LCLAT1: variants seen among roughly 807,000 people sequenced by gnomAD.
LCLAT1 encodes the protein 1-AGP acyltransferase 8.
Under a neutral mutation model 30.7 loss-of-function variants are expected in LCLAT1, and 11 were observed. The ratio of observed to expected loss-of-function variants is 0.36; its 90% CI spans 0.23 to 0.59. The LOEUF (loss-of-function observed/expected upper bound fraction) is 0.59, where lower values mean the gene tolerates loss of function less well. Among genes scored for constraint, LCLAT1 ranks in the 20% least tolerant of loss-of-function variants. LCLAT1 has a pLI of 0.77. For missense variants in LCLAT1, 402 were observed against 458.6 expected (o/e 0.88, Z 1.13); for synonymous variants, 155 against 151.3 (o/e 1.02, Z -0.18).
chr2:30,525,714 A>C lies in LCLAT1; in HGVS notation c.124A>C (p.Ile42Leu). 1.9e-6 allele frequency: 3 copies of C among 1,614,090 alleles called. No individual in the cohort carries two copies. The highest frequency in any genetic ancestry group is 2.5e-6 in the Non-Finnish European group (3 of 1,180,024). The part of the protein sequence containing the change: ...MFVNPSWYRW[I>L]NNRLVATWLT... ...TGTAAACCCATCTTGGTATCGCTGG[A>C]TCAACAACCGCCTTGTGGCAACATG... Residue 42 changes from isoleucine to leucine, a missense_variant, in exon 2 of 6, where the codon ATC becomes CTC. Physicochemically the swap from Ile to Leu is conservative, Grantham distance 5 (BLOSUM62 2). Coordinates refer to ENST00000379509, the MANE Select transcript of LCLAT1 (RefSeq NM_001002257.3).
At chr2:30,525,372 G>A (rs532194264) in intron 1 of LCLAT1, among the ~76,000 whole-genome samples, 8 of 152,176 alleles carry the variant, frequency 5.3e-5, no homozygotes, top group East Asian at 1.9e-4. Context: ...CGCCGCACCC[G>A]ACCAGAGAAT....
intron 5 of LCLAT1, among the ~76,000 whole-genome samples, chr2:30,614,535 A>C (rs1319640438): frequency 6.6e-6 from 1 of 152,140 alleles, no homozygotes; most frequent in East Asian, 1.9e-4. Context: ...CAACTGAAGG[A>C]AAGGCAGTTT....
intron 3 of LCLAT1, among the ~76,000 whole-genome samples, chr2:30,557,667 G>A (rs1259058804): frequency 2.0e-5 from 3 of 151,882 alleles, no homozygotes; most frequent in Non-Finnish European, 2.9e-5. Flanking sequence ...CACCTGCCTC[G>A]GCCTCCCAAA....
chr2:30,567,092 TC>T (rs1444657461), intron 4 of LCLAT1, among the ~76,000 whole-genome samples: 1 of 152,238 alleles, frequency 6.6e-6, no homozygotes, highest in African/African-American at 2.4e-5. Context: ...CTTCTGGATG[TC>T]TAGGTCATTG....
intron 5 of LCLAT1, among the ~76,000 whole-genome samples, chr2:30,596,158 G>A (rs1308056338): frequency 6.6e-6 from 1 of 152,178 alleles, no homozygotes; most frequent in Non-Finnish European, 1.5e-5. Flanking sequence ...TATATACCGA[G>A]TAGTGGGATT....
At chr2:30,476,517 G>A (rs1349844371) in intron 1 of LCLAT1, 1 of 456,388 alleles carries the variant, frequency 2.2e-6, no homozygotes, top group Non-Finnish European at 4.4e-6. Flanking sequence ...GATCTAGGTT[G>A]CATGTTCCTT....
intron 3 of LCLAT1, among the ~76,000 whole-genome samples, chr2:30,535,404 T>C (rs1030975598): frequency 6.6e-6 from 1 of 152,128 alleles, no homozygotes; most frequent in African/African-American, 2.4e-5. Flanking sequence ...CTTCTAATGG[T>C]AGAGCATTGT....
chr2:30,515,749 A>G (rs1572555293), intron 1 of LCLAT1, among the ~76,000 whole-genome samples: 1 of 152,248 alleles, frequency 6.6e-6, no homozygotes, highest in African/African-American at 2.4e-5. Flanking sequence ...CAAAGAATGC[A>G]CAAAACATGA....
At chr2:30,588,562 T>C (rs535716002) in intron 5 of LCLAT1, among the ~76,000 whole-genome samples, 32 of 152,234 alleles carry the variant, frequency 2.1e-4, no homozygotes, top group African/African-American at 7.2e-4. Context: ...TAGTTTTGTT[T>C]TTGTTATTTT....
chr2:30,572,217 A>G (rs983868036), intron 5 of LCLAT1, among the ~76,000 whole-genome samples: 1 of 152,126 alleles, frequency 6.6e-6, no homozygotes, highest in African/African-American at 2.4e-5. Context: ...TGAGCTGCTC[A>G]TTTAGGACAG....
In LCLAT1 at chr2:30,643,747, A is replaced by G. The variant is rs1176653491; in HGVS notation, c.*3128A>G. ...TTGTTTACATTTCTTTATACAAATA[A>G]TGTGCTTTCAGTGCCTTAGTTACAG... is the stretch of plus-strand genomic sequence containing the variant. On this transcript the variant is annotated 3_prime_UTR_variant, in exon 6 of 6. Coordinates refer to ENST00000379509, the MANE Select transcript of LCLAT1 (RefSeq NM_001002257.3). 6.5e-6 allele frequency: 1 copy of G among 152,674 alleles called. No homozygotes were observed. Among genetic ancestry groups the G allele is most frequent in the Non-Finnish European group, 1.5e-5 (1 of 68,036 alleles). The allele number at this position is 152,674 out of a possible 1,614,324, so 9.5% of individuals were successfully genotyped here. A position where few individuals can be genotyped will look rare whatever the true frequency, so the allele number is the denominator to read the frequency against.
Position 30,510,081 on chromosome 2 carries a change from T to A in LCLAT1, c.-4-15506T>A, listed in dbSNP as rs570530360. Reference sequence around the variant, plus strand: ...ATAACAACTTTCAGAGAGTCTTCCTTTTGTGCCATCCTCTCAGAATTTGGA... The same window carrying A: ...ATAACAACTTTCAGAGAGTCTTCCTATTGTGCCATCCTCTCAGAATTTGGA... On this transcript the variant is annotated intron_variant, in intron 1 of 5. Coordinates refer to ENST00000379509, the MANE Select transcript of LCLAT1 (RefSeq NM_001002257.3). 2.8e-4 allele frequency among the ~76,000 whole-genome samples: 42 copies of A among 152,304 alleles called. No individual in the cohort carries two copies. In the South Asian group the frequency reaches 6.2e-3, roughly 23 times the overall value.
intron 1 of LCLAT1, among the ~76,000 whole-genome samples, chr2:30,467,708 A>T (rs928243238): frequency 5.9e-5 from 9 of 152,180 alleles, no homozygotes; most frequent in African/African-American, 2.2e-4. Context: ...GCATTTTTTC[A>T]TGTGTCTGTT....
intron 1 of LCLAT1, among the ~76,000 whole-genome samples, chr2:30,504,875 C>G (rs1002627930): frequency 3.9e-5 from 6 of 152,174 alleles, no homozygotes; most frequent in Admixed American, 1.3e-4. Context: ...AGACAGATCT[C>G]TGTGCATTTG....
intron 1 of LCLAT1, among the ~76,000 whole-genome samples, chr2:30,516,101 G>A (rs548175032): frequency 6.6e-5 from 10 of 152,126 alleles, no homozygotes; most frequent in African/African-American, 1.9e-4. Flanking sequence ...TAAAATACCC[G>A]TTAAGCTAAA....
chr2:30,522,245 T>C (rs143984004), intron 1 of LCLAT1, among the ~76,000 whole-genome samples: 1 of 152,356 alleles, frequency 6.6e-6, no homozygotes, highest in East Asian at 1.9e-4. Flanking sequence ...AGTGTATATT[T>C]AGGATTTTAA....
intron 5 of LCLAT1, among the ~76,000 whole-genome samples, chr2:30,584,255 T>C (rs1337600861): frequency 6.6e-6 from 1 of 152,242 alleles, no homozygotes; most frequent in Non-Finnish European, 1.5e-5. Context: ...GTTACATGCG[T>C]GAACCTCTCT....
At chr2:30,472,516 G>T (rs1400006243) in intron 1 of LCLAT1, among the ~76,000 whole-genome samples, 3 of 152,180 alleles carry the variant, frequency 2.0e-5, no homozygotes, top group Non-Finnish European at 2.9e-5. Flanking sequence ...TGCATCAGAA[G>T]TTGCTCAGAC....
chr2:30,519,686 A>G (rs771100273), intron 1 of LCLAT1, among the ~76,000 whole-genome samples: 105 of 152,314 alleles, frequency 6.9e-4, no homozygotes, highest in African/African-American at 1.1e-3. Flanking sequence ...GAAATAGTCA[A>G]TCATCTATCA....
Sources: gnomAD v4.1 joint callset for allele counts (sites outside exome capture counted in the v4.1 genomes callset) on GRCh38, gnomAD v4.1.1 for gene constraint, MANE v1.5 for transcripts, NCBI Gene and HGNC (gene_info 2026-07-23, HGNC 2026-07-21) for gene names.